IMMP2L: variants seen among roughly 807,000 people sequenced by gnomAD.
The protein encoded by IMMP2L is mitochondrial inner membrane protease subunit 2.
IMMP2L carries 18 observed loss-of-function variants against 19.3 expected under a neutral mutation model. The ratio of observed to expected loss-of-function variants is 0.93; its 90% confidence interval spans 0.64 to 1.38. The LOEUF is 1.38. Among genes scored for constraint, IMMP2L ranks in the 40% most tolerant of loss-of-function variants. The probability of loss-of-function intolerance (pLI) is 0.00; values close to 1 mark genes in which losing one functional copy is unlikely to be tolerated. For missense variants in IMMP2L, 233 were observed against 218.2 expected (o/e 1.07, Z -0.43); for synonymous variants, 76 against 73.0 (o/e 1.04, Z -0.21).
At position 110,757,978 on chromosome 7, in the gene IMMP2L, GA is replaced by G. The variant is rs1798132708; in HGVS notation, c.409-94258del. ...TAGAAGTAGGAGTGATGTAGTAAAT[GA>G]GTTCAGTTTCATTCATTTAAAGCTT... On this transcript the variant is annotated intron_variant, in intron 5 of 5. Transcript: ENST00000405709. The surrounding 1 kb of genome is among the most constrained non-coding windows in gnomAD (Gnocchi z 4.2). Among the ~76,000 whole-genome samples the G allele has an allele frequency of 1.3e-5, 2 of 152,038 alleles. No homozygotes were observed. The highest frequency in any genetic ancestry group is 4.8e-5 in the African/African-American group (2 of 41,414).
chr7:111,507,202 T>C (rs1369609679), intron 2 of IMMP2L, among the ~76,000 whole-genome samples: 1 of 152,202 alleles, frequency 6.6e-6, no homozygotes, highest in Non-Finnish European at 1.5e-5. Context: ...CTATTTCTTA[T>C]TTTGAGGATC....
chr7:110,959,011 T>C (rs1019335437), intron 4 of IMMP2L, among the ~76,000 whole-genome samples: 3 of 152,004 alleles, frequency 2.0e-5, no homozygotes, highest in African/African-American at 7.2e-5. Context: ...CTCTTTAAGC[T>C]ATATTTCACT....
At chr7:111,497,721 A>G (rs962450476) in intron 2 of IMMP2L, among the ~76,000 whole-genome samples, 1 of 152,054 alleles carries the variant, frequency 6.6e-6, no homozygotes, top group Non-Finnish European at 1.5e-5. Flanking sequence ...GTTTAAATCT[A>G]TGCAATCTTC....
intron 3 of IMMP2L, among the ~76,000 whole-genome samples, chr7:111,323,659 A>G (rs1391058362): frequency 6.6e-6 from 1 of 152,164 alleles, no homozygotes; most frequent in Non-Finnish European, 1.5e-5. Flanking sequence ...CCAAAGGACT[A>G]TAAAACATGC....
intron 3 of IMMP2L, among the ~76,000 whole-genome samples, chr7:111,310,671 T>C (rs1438052819): frequency 6.6e-6 from 1 of 152,152 alleles, no homozygotes; most frequent in Non-Finnish European, 1.5e-5. Context: ...TGTACTACAT[T>C]ATGACAGAGC....
At chr7:110,752,703 A>G (rs1234585892) in intron 5 of IMMP2L, among the ~76,000 whole-genome samples, 1 of 152,040 alleles carries the variant, frequency 6.6e-6, no homozygotes, top group Non-Finnish European at 1.5e-5. Context: ...TCAGCCAATC[A>G]AAGAAGAAAC....
chr7:110,935,873 C>T lies in IMMP2L; in HGVS notation c.305+27627G>A, dbSNP rs192353474. On this transcript the variant is annotated intron_variant, in intron 4 of 5. Transcript: ENST00000405709. ...GATATATAGACCAATGGAACAGAAC[C>T]GAGGCCTCAGAAATAATGCCACACA... is the stretch of plus-strand genomic sequence containing the variant. 3.0e-4 allele frequency among the ~76,000 whole-genome samples: 46 copies of T among 152,016 alleles called. 1 individual carries two copies. The highest frequency in any genetic ancestry group is 2.4e-3 in the Admixed American group (36 of 15,244).
intron 2 of IMMP2L, among the ~76,000 whole-genome samples, chr7:111,516,524 T>A (rs1444022107): frequency 5.3e-5 from 8 of 152,134 alleles, no homozygotes. Flanking sequence ...AACAAGTTTT[T>A]AAAAAGTGTA....
intron 3 of IMMP2L, among the ~76,000 whole-genome samples, chr7:111,328,262 A>C (rs982676331): frequency 5.3e-5 from 8 of 151,794 alleles, no homozygotes; most frequent in African/African-American, 1.7e-4. Flanking sequence ...AGGAATATTA[A>C]AGATGTTTCA....
chr7:111,344,789 A>G (rs138752111), intron 3 of IMMP2L, among the ~76,000 whole-genome samples: 4 of 152,292 alleles, frequency 2.6e-5, no homozygotes, highest in Non-Finnish European at 5.9e-5. Flanking sequence ...AGTTTTTAAA[A>G]GTAGATCGCT....
At chr7:111,272,188 A>G (rs37740) in intron 3 of IMMP2L, among the ~76,000 whole-genome samples, 1 of 152,126 alleles carries the variant, frequency 6.6e-6, no homozygotes, top group Non-Finnish European at 1.5e-5. Flanking sequence ...AGCCCTTACT[A>G]TATCTCTTCA....
chr7:111,027,511 AT>A (rs2129568113), intron 3 of IMMP2L, among the ~76,000 whole-genome samples: 1 of 152,112 alleles, frequency 6.6e-6, no homozygotes, highest in African/African-American at 2.4e-5. Context: ...CACTAATTTT[AT>A]GTGAATGAAA....
chr7:111,387,012 A>C (rs909596438), intron 3 of IMMP2L, among the ~76,000 whole-genome samples: 5 of 152,296 alleles, frequency 3.3e-5, no homozygotes, highest in Middle Eastern at 3.4e-3. Context: ...TTCTTATATC[A>C]CATAGCACTT....
intron 3 of IMMP2L, among the ~76,000 whole-genome samples, chr7:111,429,563 AT>A (rs1467607964): frequency 7.3e-5 from 11 of 151,602 alleles, no homozygotes; most frequent in African/African-American, 2.4e-5. Flanking sequence ...AAAAAAAAAA[AT>A]CAACATAGAA....
intron 3 of IMMP2L, among the ~76,000 whole-genome samples, chr7:111,045,504 C>T (rs1792309767): frequency 6.6e-6 from 1 of 152,190 alleles, no homozygotes; most frequent in Non-Finnish European, 1.5e-5. Flanking sequence ...TTCTACTGTA[C>T]TTTCAACAAA....
At chr7:111,014,107 T>G (rs527738830) in intron 3 of IMMP2L, among the ~76,000 whole-genome samples, 40 of 152,268 alleles carry the variant, frequency 2.6e-4, no homozygotes, top group African/African-American at 9.6e-4. Flanking sequence ...CTCACGCCTA[T>G]AATCCCAACA....
At chr7:110,771,137 A>AGGGGTTGCTGTTTTAGTGACTTT (rs1485450840) in intron 5 of IMMP2L, among the ~76,000 whole-genome samples, 1 of 152,128 alleles carries the variant, frequency 6.6e-6, no homozygotes, top group Non-Finnish European at 1.5e-5. Context: ...TCTTCAAAGA[A>AGGGGTTGCTGTTTTAGTGACTTT]GGGGTTGCTG....
chr7:110,769,513 A>C (rs1798897989), intron 5 of IMMP2L, among the ~76,000 whole-genome samples: 1 of 152,142 alleles, frequency 6.6e-6, no homozygotes, highest in Admixed American at 6.6e-5. Context: ...TCTGCTAGAT[A>C]ATACGCAGAG....
chr7:110,883,948 A>G (rs998908135), intron 5 of IMMP2L, among the ~76,000 whole-genome samples: 4 of 152,060 alleles, frequency 2.6e-5, no homozygotes, highest in African/African-American at 9.7e-5. Flanking sequence ...TAAATGGAAC[A>G]TATTATCTAG....
Sources: allele counts gnomAD v4.1 joint callset (sites outside exome capture counted in the v4.1 genomes callset), GRCh38; gene constraint gnomAD v4.1.1; non-coding constraint Gnocchi (gnomAD v3.1); transcripts MANE v1.5; gene names NCBI Gene and HGNC (gene_info 2026-07-23, HGNC 2026-07-21).